CDH10: variants seen among roughly 807,000 people sequenced by gnomAD.
CDH10 encodes the protein cadherin-10.
CDH10 carries 30 observed loss-of-function variants against 73.1 expected under a neutral mutation model. The ratio of observed to expected loss-of-function variants is 0.41; its 90% CI spans 0.31 to 0.56. The LOEUF (loss-of-function observed/expected upper bound fraction) is 0.56. Ranked by LOEUF, CDH10 falls within the 20% of genes least tolerant of loss-of-function variation. The pLI, the probability that CDH10 is intolerant of heterozygous loss-of-function variation, is 0.27. For missense variants in CDH10, 815 were observed against 973.7 expected (o/e 0.84, Z 2.17); for synonymous variants, 345 against 348.2 (o/e 0.99, Z 0.10).
At chr5:24,516,902 AT>A (rs1403436820) in intron 5 of CDH10, among the ~76,000 whole-genome samples, 2 of 151,946 alleles carry the variant, frequency 1.3e-5, no homozygotes, top group Non-Finnish European at 2.9e-5. Context: ...AATTAAAAAA[AT>A]ACATAACTCT....
At chr5:24,603,102 A>G (rs1425213226) in intron 1 of CDH10, among the ~76,000 whole-genome samples, 1 of 152,210 alleles carries the variant, frequency 6.6e-6, no homozygotes, top group Non-Finnish European at 1.5e-5. Context: ...CCACTAGGGT[A>G]GAAGTGAAAC....
chr5:24,565,038 C>T (rs557327334), intron 2 of CDH10, among the ~76,000 whole-genome samples: 1 of 152,286 alleles, frequency 6.6e-6, no homozygotes, highest in Non-Finnish European at 1.5e-5. Flanking sequence ...CTCTCTACAT[C>T]AGCTCCCATC....
rs374612177 is a variant in CDH10, at chr5:24,546,353, A to C, written c.232-8679T>G. On this transcript the variant is annotated intron_variant, in intron 2 of 11. Coordinates refer to ENST00000264463, the MANE Select transcript of CDH10 (RefSeq NM_006727.5). ...CCAATAAAAAAGAATTAAGAAATCA[A>C]GATCAACGCTCTCACAAGGAAAAGG... 1.1e-4 allele frequency among the ~76,000 whole-genome samples: 16 copies of C among 152,280 alleles called. No individual in the cohort carries two copies. In the East Asian group the frequency reaches 1.7e-3, roughly 17 times the overall value.
chr5:24,529,055 T>A (rs1268594293), intron 5 of CDH10, among the ~76,000 whole-genome samples: 1 of 152,028 alleles, frequency 6.6e-6, no homozygotes, highest in African/African-American at 2.4e-5. Context: ...ATGTAAAGAT[T>A]GAGTTTATAT....
intron 1 of CDH10, among the ~76,000 whole-genome samples, chr5:24,599,296 TG>T (rs1388883220): frequency 6.6e-6 from 1 of 152,134 alleles, no homozygotes; most frequent in African/African-American, 2.4e-5. Flanking sequence ...ATCCAGGACT[TG>T]AACTGCTTCT....
At chr5:24,600,559 C>G (rs1746522532) in intron 1 of CDH10, among the ~76,000 whole-genome samples, 1 of 151,960 alleles carries the variant, frequency 6.6e-6, no homozygotes, top group Non-Finnish European at 1.5e-5. Context: ...GAAACCACAT[C>G]CTACCTGGCA....
At chr5:24,494,249 T>C (rs1374687659) in intron 9 of CDH10, among the ~76,000 whole-genome samples, 1 of 151,878 alleles carries the variant, frequency 6.6e-6, no homozygotes, top group Non-Finnish European at 1.5e-5. Context: ...AGAATATAAA[T>C]CTATTAAAAT....
chr5:24,625,759 T>C (rs986902169), intron 1 of CDH10, among the ~76,000 whole-genome samples: 1 of 151,648 alleles, frequency 6.6e-6, no homozygotes, highest in African/African-American at 2.4e-5. Flanking sequence ...TTTTGAAGCA[T>C]CTTAGGCTCT....
chr5:24,553,343 C>T (rs1488438468), intron 2 of CDH10, among the ~76,000 whole-genome samples: 8 of 152,184 alleles, frequency 5.3e-5, no homozygotes, highest in Admixed American at 1.3e-4. Context: ...AGTCTGCAGT[C>T]GCATGCCATT....
intron 5 of CDH10, among the ~76,000 whole-genome samples, chr5:24,515,495 T>G (rs779112339): frequency 9.2e-5 from 14 of 152,182 alleles, no homozygotes; most frequent in Non-Finnish European, 1.5e-4. Flanking sequence ...TGTATAATAT[T>G]TAGTAAGTTC....
At chr5:24,522,421 C>CATAA (rs1743369937) in intron 5 of CDH10, among the ~76,000 whole-genome samples, 1 of 151,862 alleles carries the variant, frequency 6.6e-6, no homozygotes, top group Non-Finnish European at 1.5e-5. Context: ...ATTCTAGGAA[C>CATAA]ATAAGGGACT....
At chr5:24,586,845 T>TTTTTTTTTTTTTTTTTTTTCTTTTTTTC (rs1746026746) in intron 2 of CDH10, among the ~76,000 whole-genome samples, 1 of 127,686 alleles carries the variant, frequency 7.8e-6, no homozygotes, top group Non-Finnish European at 1.7e-5. Flanking sequence ...CCCATATTCT[T>TTTTTTTTTTTTTTTTTTTTCTTTTTTTC]TTTTTTTTTT....
intron 6 of CDH10, among the ~76,000 whole-genome samples, chr5:24,510,497 A>G (rs935640639): frequency 6.6e-6 from 1 of 152,182 alleles, no homozygotes; most frequent in Non-Finnish European, 1.5e-5. Context: ...CAGATAAATG[A>G]TATTATTAGT....
At chr5:24,505,395 T>G (rs1286817884) in intron 7 of CDH10, 147 bp from the exon 8 acceptor site, 1 of 676,268 alleles carries the variant, frequency 1.5e-6, no homozygotes, top group Non-Finnish European at 2.6e-6. Context: ...TGAATGACTT[T>G]TCCTAGTTGC....
intron 2 of CDH10, among the ~76,000 whole-genome samples, chr5:24,548,682 T>TAA (rs1744435210): frequency 6.6e-6 from 1 of 152,022 alleles, no homozygotes. Context: ...TTAGCCAACT[T>TAA]AACATATAAA....
chr5:24,500,759 A>G (rs1742462924), intron 8 of CDH10, among the ~76,000 whole-genome samples: 1 of 152,206 alleles, frequency 6.6e-6, no homozygotes, highest in South Asian at 2.1e-4. Flanking sequence ...CATTACCATC[A>G]TCTTTATTAT....
intron 1 of CDH10, among the ~76,000 whole-genome samples, chr5:24,630,520 T>C (rs1374202202): frequency 6.8e-6 from 1 of 146,004 alleles, no homozygotes; most frequent in Admixed American, 7.1e-5. Flanking sequence ...GCCACGGCAC[T>C]CCAGCCCTGG....
At chr5:24,571,695 G>A (rs866798032) in intron 2 of CDH10, among the ~76,000 whole-genome samples, 1 of 138,158 alleles carries the variant, frequency 7.2e-6, no homozygotes, top group African/African-American at 2.4e-5. Flanking sequence ...TTCTATAATA[G>A]CAATAGTTCT....
intron 8 of CDH10, among the ~76,000 whole-genome samples, chr5:24,502,286 C>A (rs569067313): frequency 5.3e-5 from 8 of 152,200 alleles, no homozygotes; most frequent in African/African-American, 1.9e-4. Flanking sequence ...ATATGATGCA[C>A]TAAATAATTA....
Sources: gnomAD v4.1 joint callset for allele counts (sites outside exome capture counted in the v4.1 genomes callset) on GRCh38, gnomAD v4.1.1 for gene constraint, MANE v1.5 for transcripts, NCBI Gene and HGNC (gene_info 2026-07-23, HGNC 2026-07-21) for gene names.